The following RAB38 variants were observed in gnomAD, a reference collection of about 807,000 sequenced individuals.
RAB38 encodes ras-related protein Rab-38.
A neutral mutation model predicts 18.4 loss-of-function variants in RAB38; 15 were observed. The ratio of observed to expected loss-of-function variants is 0.82; its 90% CI spans 0.55 to 1.26. The LOEUF (loss-of-function observed/expected upper bound fraction) is 1.26. RAB38 is among the 50% of genes most tolerant of loss of function. RAB38 has a pLI of 0.00. For synonymous variants in RAB38, 101 were observed against 104.4 expected (o/e 0.97, Z 0.20); for missense variants, 294 against 267.4 (o/e 1.10, Z -0.69).
the RAB38 span, among the ~76,000 whole-genome samples, chr11:87,825,620 T>C: frequency 1.3e-5 from 2 of 152,166 alleles, no homozygotes; most frequent in Non-Finnish European, 2.9e-5. Flanking sequence ...TAATGTCATA[T>C]ATTGAAGAAT....
At chr11:87,976,924 TTAC>T in the RAB38 span, among the ~76,000 whole-genome samples, 259 of 420 alleles carry the variant, frequency 0.62, 59 homozygotes, top group Admixed American at 0.66. Flanking sequence ...TATATTATAA[TTAC>T]ATTATACAAG....
chr11:87,915,978 G>T, the RAB38 span, among the ~76,000 whole-genome samples: 1 of 152,018 alleles, frequency 6.6e-6, no homozygotes, highest in Non-Finnish European at 1.5e-5. Flanking sequence ...GGGGCCTGTT[G>T]TTAGTTTCTT....
chr11:87,845,051 G>T, the RAB38 span, among the ~76,000 whole-genome samples: 2 of 152,138 alleles, frequency 1.3e-5, no homozygotes, highest in Admixed American at 1.3e-4. Context: ...TTAGAGAACT[G>T]AACTGAAATT....
chr11:87,962,906 T>C, the RAB38 span, among the ~76,000 whole-genome samples: 2 of 152,180 alleles, frequency 1.3e-5, no homozygotes, highest in Non-Finnish European at 2.9e-5. Context: ...AACATCACTT[T>C]GTGCCCCCAA....
At chr11:88,071,770 G>C in the RAB38 span, among the ~76,000 whole-genome samples, 1 of 152,290 alleles carries the variant, frequency 6.6e-6, no homozygotes, top group South Asian at 2.1e-4. Context: ...CACAAATGCA[G>C]CAACTGATGA....
chr11:88,076,740 A>T, the RAB38 span, among the ~76,000 whole-genome samples: 1 of 151,022 alleles, frequency 6.6e-6, no homozygotes, highest in Non-Finnish European at 1.5e-5. Flanking sequence ...ATCACCTGAG[A>T]TCAGTAGTTC....
chr11:87,828,698 T>C, the RAB38 span, among the ~76,000 whole-genome samples: 1 of 152,300 alleles, frequency 6.6e-6, no homozygotes, highest in Non-Finnish European at 1.5e-5. Context: ...TAATCTACCT[T>C]TTTTGGGTAA....
chr11:87,842,295 T>G, the RAB38 span, among the ~76,000 whole-genome samples: 3 of 152,320 alleles, frequency 2.0e-5, no homozygotes, highest in East Asian at 5.8e-4. Context: ...CATTAAGCTG[T>G]GTCACTGAGA....
the RAB38 span, among the ~76,000 whole-genome samples, chr11:87,947,231 T>G: frequency 1.6e-5 from 2 of 121,836 alleles, no homozygotes; most frequent in East Asian, 5.3e-4. Context: ...CACTTTTTGA[T>G]GGGGTTGTTT....
chr11:88,013,631 CTG>C, the RAB38 span, among the ~76,000 whole-genome samples: 1 of 152,060 alleles, frequency 6.6e-6, no homozygotes, highest in Non-Finnish European at 1.5e-5. Flanking sequence ...GGATGACAAA[CTG>C]TGAAATCACT....
chr11:87,970,523 C>A, the RAB38 span, among the ~76,000 whole-genome samples: 3 of 152,050 alleles, frequency 2.0e-5, no homozygotes, highest in South Asian at 6.2e-4. Context: ...CCCCAAGTTC[C>A]CGCCCTAGGC....
chr11:87,859,507 G>T, the RAB38 span, among the ~76,000 whole-genome samples: 1 of 151,972 alleles, frequency 6.6e-6, no homozygotes, highest in Non-Finnish European at 1.5e-5. Flanking sequence ...TGTTTAAATT[G>T]GTAGCATTGA....
chr11:88,061,463 G>A, the RAB38 span, among the ~76,000 whole-genome samples: 1 of 152,146 alleles, frequency 6.6e-6, no homozygotes, highest in South Asian at 2.1e-4. Context: ...CCATTAGACT[G>A]TTTACGTAAC....
At chr11:87,834,415 G>T in the RAB38 span, among the ~76,000 whole-genome samples, 1 of 152,156 alleles carries the variant, frequency 6.6e-6, no homozygotes, top group Non-Finnish European at 1.5e-5. Context: ...AAACTGGGAG[G>T]TAATAATTGG....
the RAB38 span, among the ~76,000 whole-genome samples, chr11:88,082,667 G>A: frequency 1.3e-5 from 2 of 151,758 alleles, no homozygotes; most frequent in African/African-American, 2.4e-5. Flanking sequence ...AGAAAATCCT[G>A]CAAGCTCCAT....
the RAB38 span, among the ~76,000 whole-genome samples, chr11:87,914,168 A>T: frequency 6.6e-6 from 1 of 152,034 alleles, no homozygotes; most frequent in Non-Finnish European, 1.5e-5. Flanking sequence ...GGTGATTGTG[A>T]TGAGGACTCG....
chr11:88,102,015 T>C, the RAB38 span, among the ~76,000 whole-genome samples: 2 of 151,944 alleles, frequency 1.3e-5, no homozygotes, highest in Non-Finnish European at 2.9e-5. Flanking sequence ...CAAATATCTG[T>C]ATGGTACGCA....
chr11:87,807,130 CTGA>C, the RAB38 span, among the ~76,000 whole-genome samples: 1 of 152,148 alleles, frequency 6.6e-6, no homozygotes, highest in Non-Finnish European at 1.5e-5. Context: ...AATCTAATGC[CTGA>C]TGATCTCAGG....
chr11:87,912,560 T>C, the RAB38 span, among the ~76,000 whole-genome samples: 1 of 151,830 alleles, frequency 6.6e-6, no homozygotes. Flanking sequence ...TTCTTGATAT[T>C]GGTAATTTAT....
Sources: allele counts gnomAD v4.1 joint callset (sites outside exome capture counted in the v4.1 genomes callset), GRCh38; gene constraint gnomAD v4.1.1; transcripts MANE v1.5; gene names NCBI Gene and HGNC (gene_info 2026-07-23, HGNC 2026-07-21).